GYS2: variants seen among roughly 807,000 people sequenced by gnomAD.
The protein encoded by GYS2 is glycogen [starch] synthase, liver.
Under a neutral mutation model 85.6 loss-of-function variants are expected in GYS2, and 80 were observed. The observed-to-expected ratio is 0.93, with a 90% CI of 0.78 to 1.13. The LOEUF (loss-of-function observed/expected upper bound fraction) is 1.13, where lower values mean the gene tolerates loss of function less well. Among genes scored for constraint, GYS2 ranks in the 50% most tolerant of loss-of-function variants. The probability of loss-of-function intolerance (pLI) is 0.00; values close to 1 mark genes in which losing one functional copy is unlikely to be tolerated. For synonymous variants in GYS2, 328 were observed against 300.7 expected (o/e 1.09, Z -0.94); for missense variants, 881 against 854.9 (o/e 1.03, Z -0.38).
intron 11 of GYS2, among the ~76,000 whole-genome samples, chr12:21,549,222 C>CTA (rs1412820158): frequency 2.0e-5 from 3 of 152,110 alleles, no homozygotes; most frequent in Non-Finnish European, 4.4e-5. Context: ...TATCACTGAG[C>CTA]TATTATTAGA....
chr12:21,571,940 G>A (rs1179645549), intron 4 of GYS2, among the ~76,000 whole-genome samples: 2 of 117,626 alleles, frequency 1.7e-5, no homozygotes, highest in African/African-American at 3.3e-5. Flanking sequence ...CTAGCCTGGC[G>A]ACAGAGCAAG....
chr12:21,577,963 AC>A (rs1944465350), intron 2 of GYS2, among the ~76,000 whole-genome samples: 1 of 152,158 alleles, frequency 6.6e-6, no homozygotes, highest in Non-Finnish European at 1.5e-5. Flanking sequence ...TTTATCCTGC[AC>A]ACTTAACCTC....
At chr12:21,585,858 A>G (rs544626314) in intron 1 of GYS2, among the ~76,000 whole-genome samples, 1 of 152,368 alleles carries the variant, frequency 6.6e-6, no homozygotes, top group African/African-American at 2.4e-5. Context: ...TTTATGTAAT[A>G]GCATTTGCAA....
intron 1 of GYS2, among the ~76,000 whole-genome samples, chr12:21,590,699 C>G (rs1406954391): frequency 2.0e-5 from 3 of 152,132 alleles, no homozygotes; most frequent in African/African-American, 7.2e-5. Flanking sequence ...GACTCATTAC[C>G]ATCAGTGCCA....
At chr12:21,601,364 C>T (rs957859033) in intron 1 of GYS2, among the ~76,000 whole-genome samples, 1 of 152,082 alleles carries the variant, frequency 6.6e-6, no homozygotes, top group Admixed American at 6.6e-5. Flanking sequence ...TGTTCATACC[C>T]TGGAGACAAA....
intron 1 of GYS2, among the ~76,000 whole-genome samples, chr12:21,598,474 C>T (rs1181505886): frequency 2.0e-5 from 3 of 151,996 alleles, no homozygotes; most frequent in Non-Finnish European, 4.4e-5. Context: ...ACCATTTTAG[C>T]CCTTTTTTGT....
chr12:21,594,834 G>A (rs1459449216), intron 1 of GYS2, among the ~76,000 whole-genome samples: 1 of 152,126 alleles, frequency 6.6e-6, no homozygotes, highest in East Asian at 1.9e-4. Context: ...CATACTACCT[G>A]ATTTCAAAGT....
In GYS2 at chr12:21,536,196, A is replaced by G. The variant is rs1243843812; in HGVS notation, c.*758T>C. On this transcript the variant is annotated 3_prime_UTR_variant, in exon 16 of 16. Coordinates refer to ENST00000261195, the MANE Select transcript of GYS2 (RefSeq NM_021957.4). Reference sequence around the variant, plus strand: ...AGGCATTACCAGTGAAAGTTAAGTTATTAAATATTAATGTGTTTATTTACT... The same window carrying G: ...AGGCATTACCAGTGAAAGTTAAGTTGTTAAATATTAATGTGTTTATTTACT... The G allele has an allele frequency of 6.6e-6, 1 of 152,242 alleles. No individual in the cohort carries two copies. The highest frequency in any genetic ancestry group is 1.5e-5 in the Non-Finnish European group (1 of 68,052). 9.4% of individuals were successfully genotyped at this position (152,242 alleles called of 1,614,324 possible). A position where few individuals can be genotyped will look rare whatever the true frequency, so the allele number is the denominator to read the frequency against.
chr12:21,565,248 G>C lies in GYS2; in HGVS notation c.824-1903C>G, dbSNP rs566875281. Among the ~76,000 whole-genome samples the C allele has an allele frequency of 7.3e-5, 11 of 151,418 alleles. No individual in the cohort carries two copies. The South Asian group carries it at 1.9e-3, about 26-fold the overall frequency. ...GTACTCCAGGAAAAAGAGAGAAAAAGAGAGAGAGAGATAGATAATTTTAGT... is the reference window on the plus strand; with the variant it reads ...GTACTCCAGGAAAAAGAGAGAAAAACAGAGAGAGAGATAGATAATTTTAGT... On this transcript the variant is annotated intron_variant, in intron 5 of 15. Coordinates refer to ENST00000261195, the MANE Select transcript of GYS2 (RefSeq NM_021957.4).
rs571885002 is a variant in GYS2, at chr12:21,556,813, A to T, written c.1422+1387T>A. On this transcript the variant is annotated intron_variant, in intron 11 of 15. Transcript: ENST00000261195. ...AGTCACTAAGGATGACCTTTTCTAC[A>T]TGCAACCGTCTCTCCCATGGTTTTG... Among the ~76,000 whole-genome samples, 6 of 152,318 alleles carry T rather than the reference A, an allele frequency of 3.9e-5. No homozygotes were observed. The South Asian group carries it at 1.2e-3, about 32-fold the overall frequency.
At chr12:21,539,209 C>T in intron 15 of GYS2, 49 bp downstream of exon 15, 1 of 1,031,876 alleles carries the variant, frequency 9.7e-7, no homozygotes, top group East Asian at 2.4e-5. Flanking sequence ...ATTATTTAAA[C>T]TTATAAAAAG....
intron 13 of GYS2, among the ~76,000 whole-genome samples, chr12:21,542,058 T>C (rs1290279839): frequency 6.6e-6 from 1 of 151,966 alleles, no homozygotes; most frequent in Non-Finnish European, 1.5e-5. Context: ...TCTACTTTTT[T>C]TTTTTATGAG....
At chr12:21,591,436 T>C (rs1944637837) in intron 1 of GYS2, among the ~76,000 whole-genome samples, 1 of 150,340 alleles carries the variant, frequency 6.7e-6, no homozygotes, top group African/African-American at 2.5e-5. Flanking sequence ...TAAAATTAGC[T>C]GGTCAAATGA....
At chr12:21,577,427 G>A (rs1944459197) in intron 2 of GYS2, among the ~76,000 whole-genome samples, 1 of 152,104 alleles carries the variant, frequency 6.6e-6, no homozygotes, top group African/African-American at 2.4e-5. Flanking sequence ...GCTGCAACGT[G>A]AAAATATCCC....
chr12:21,560,083 TA>T (rs1944234110), intron 8 of GYS2, among the ~76,000 whole-genome samples: 1 of 152,218 alleles, frequency 6.6e-6, no homozygotes, highest in Admixed American at 6.5e-5. Context: ...CTAAGCTTTT[TA>T]CTTGACATGT....
chr12:21,596,413 G>T (rs900820661), intron 1 of GYS2, among the ~76,000 whole-genome samples: 2 of 151,522 alleles, frequency 1.3e-5, no homozygotes, highest in Non-Finnish European at 2.9e-5. Flanking sequence ...GATCAAGCAG[G>T]TTCCATGCCA....
intron 3 of GYS2, among the ~76,000 whole-genome samples, chr12:21,575,292 C>T (rs1944432066): frequency 1.3e-5 from 2 of 152,146 alleles, no homozygotes; most frequent in African/African-American, 4.8e-5. Flanking sequence ...ATCAGGTGGG[C>T]ATCCGTATCT....
At chr12:21,569,575 T>C (rs1297068909) in intron 4 of GYS2, among the ~76,000 whole-genome samples, 1 of 152,248 alleles carries the variant, frequency 6.6e-6, no homozygotes, top group Non-Finnish European at 1.5e-5. Context: ...CAATTATCTA[T>C]GCTTCTGGGT....
intron 6 of GYS2, 23 bp from the exon 7 acceptor site, chr12:21,563,061 AG>A (rs1342695640): frequency 1.3e-6 from 2 of 1,558,126 alleles, no homozygotes; most frequent in Admixed American, 3.3e-5. Context: ...AAAACCAAAC[AG>A]TTTCAAATGA....
Sources: gnomAD v4.1 joint callset for allele counts (sites outside exome capture counted in the v4.1 genomes callset) on GRCh38, gnomAD v4.1.1 for gene constraint, MANE v1.5 for transcripts, NCBI Gene and HGNC (gene_info 2026-07-23, HGNC 2026-07-21) for gene names.